The following TRHDE variants were observed in gnomAD, a reference collection of about 807,000 sequenced individuals.
The protein encoded by TRHDE is thyrotropin releasing hormone degrading enzyme.
In TRHDE, 72 loss-of-function variants were observed where a neutral mutation model predicts 125.7. The observed-to-expected ratio is 0.57, with a 90% CI of 0.47 to 0.70. TRHDE has a LOEUF of 0.70. Ranked by LOEUF, TRHDE falls within the 30% of genes least tolerant of loss-of-function variation. TRHDE has a pLI of 0.00. For missense variants in TRHDE, 1,110 were observed against 1,327.1 expected, an observed-to-expected ratio of 0.84 and a Z score of 2.54; for synonymous variants, 509 against 509.1, an observed-to-expected ratio of 1.00 and a Z score of 0.00.
intron 1 of TRHDE, among the ~76,000 whole-genome samples, chr12:72,275,452 C>T (rs1879451300): frequency 6.6e-6 from 1 of 152,168 alleles, no homozygotes; most frequent in Admixed American, 6.5e-5. Flanking sequence ...ACCACTTCCT[C>T]CAACATGTTC....
chr12:72,166,754 G>A (rs563625505), intron 2 of TRHDE, among the ~76,000 whole-genome samples: 33 of 152,208 alleles, frequency 2.2e-4, no homozygotes, highest in East Asian at 5.8e-4. Flanking sequence ...TGGGGCATGA[G>A]CTGGAAGTAG....
rs143297762 is a variant in TRHDE at position 72,400,415 on chromosome 12, T to C, written c.1315+22294T>C. Among the ~76,000 whole-genome samples, 54 of 152,322 alleles carry C rather than the reference T, an allele frequency of 3.5e-4. 1 individual carries two copies. In the East Asian group the frequency reaches 9.1e-3, roughly 26 times the overall value. ...GACTACGCCTACATTTAATTTAATA[T>C]GTAAGTGTAAGCAAAATCAGGTTTT... On this transcript the variant is annotated intron_variant, in intron 3 of 18. Transcript: ENST00000261180.
intron 15 of TRHDE, among the ~76,000 whole-genome samples, chr12:72,651,963 AC>A (rs1186377362): frequency 3.9e-5 from 6 of 151,978 alleles, no homozygotes; most frequent in African/African-American, 1.4e-4. Flanking sequence ...TCTTGGGTCT[AC>A]CAATTATGAG....
chr12:72,552,632 C>CA (rs1373715526), intron 7 of TRHDE, among the ~76,000 whole-genome samples: 3 of 152,072 alleles, frequency 2.0e-5, no homozygotes, highest in African/African-American at 7.2e-5. Context: ...AATGGAGTAA[C>CA]AAGGTGGAGA....
At chr12:72,297,399 T>A (rs1880341118) in intron 2 of TRHDE, among the ~76,000 whole-genome samples, 3 of 152,078 alleles carry the variant, frequency 2.0e-5, no homozygotes, top group African/African-American at 7.2e-5. Flanking sequence ...TTGGTGGAAT[T>A]TTAAGCCTGT....
intron 2 of TRHDE, among the ~76,000 whole-genome samples, chr12:72,331,471 C>A (rs1195344039): frequency 1.5e-5 from 1 of 66,860 alleles, no homozygotes; most frequent in Non-Finnish European, 4.5e-5. Context: ...TACTATGCTA[C>A]CGAATGAACT....
intron 1 of TRHDE, among the ~76,000 whole-genome samples, chr12:72,100,933 T>C (rs530830258): frequency 1.3e-5 from 2 of 152,334 alleles, no homozygotes; most frequent in South Asian, 2.1e-4. Flanking sequence ...GCTAAATTCA[T>C]TAGAAGGCAT....
intron 3 of TRHDE, among the ~76,000 whole-genome samples, chr12:72,459,255 A>C (rs372781366): frequency 2.6e-5 from 4 of 152,274 alleles, no homozygotes; most frequent in East Asian, 1.9e-4. Context: ...ATAATCCAGG[A>C]TATTCTTCCC....
intron 3 of TRHDE, among the ~76,000 whole-genome samples, chr12:72,390,134 A>G (rs535450466): frequency 6.6e-6 from 1 of 152,354 alleles, no homozygotes; most frequent in Non-Finnish European, 1.5e-5. Context: ...TTGTGTAGCT[A>G]TAGTACAAAG....
At chr12:72,170,878 G>A (rs1469109900) in intron 2 of TRHDE, among the ~76,000 whole-genome samples, 2 of 152,282 alleles carry the variant, frequency 1.3e-5, no homozygotes, top group Non-Finnish European at 2.9e-5. Flanking sequence ...CTCAGAGAAT[G>A]TAGGAAAGCA....
At chr12:72,217,103 A>C (rs1234759188) in intron 2 of TRHDE, among the ~76,000 whole-genome samples, 2 of 152,088 alleles carry the variant, frequency 1.3e-5, no homozygotes, top group African/African-American at 4.8e-5. Flanking sequence ...AGAAGAGAAA[A>C]TAGGAAGTGG....
chr12:72,090,692 C>A (rs936539886), intron 1 of TRHDE, among the ~76,000 whole-genome samples: 1 of 152,046 alleles, frequency 6.6e-6, no homozygotes, highest in Non-Finnish European at 1.5e-5. Flanking sequence ...GTTAAATTAA[C>A]CTTTTATATT....
intron 3 of TRHDE, among the ~76,000 whole-genome samples, chr12:72,433,136 C>T (rs1874572351): frequency 6.6e-6 from 1 of 152,018 alleles, no homozygotes; most frequent in African/African-American, 2.4e-5. Context: ...TCTTTCCTTA[C>T]TGGGATAAGT....
intron 3 of TRHDE, among the ~76,000 whole-genome samples, chr12:72,461,205 A>G (rs1876111879): frequency 6.6e-6 from 1 of 152,208 alleles, no homozygotes; most frequent in Non-Finnish European, 1.5e-5. Context: ...GCTTTAAATG[A>G]ATGATGCCCA....
At chr12:72,166,115 C>T (rs1427028714) in intron 2 of TRHDE, among the ~76,000 whole-genome samples, 1 of 152,130 alleles carries the variant, frequency 6.6e-6, no homozygotes, top group Non-Finnish European at 1.5e-5. Flanking sequence ...CAAACCCGTA[C>T]AGTGCAATAC....
At position 72,435,799 on chromosome 12, in the gene TRHDE, A is replaced by G. The variant is rs140366946; in HGVS notation, c.1316-33959A>G. Among the ~76,000 whole-genome samples, 287 of 152,182 alleles carry G rather than the reference A, an allele frequency of 1.9e-3. 1 individual carries two copies. Among genetic ancestry groups the G allele is most frequent in the African/African-American group, 6.2e-3 (258 of 41,550 alleles). On this transcript the variant is annotated intron_variant, in intron 3 of 18. Transcript: ENST00000261180. Reference sequence around the variant, plus strand: ...CAAAAGAAACATATAATTTTGAACTAATGACCTGATAGGTAAAGGAATAAA... The same window carrying G: ...CAAAAGAAACATATAATTTTGAACTGATGACCTGATAGGTAAAGGAATAAA...
chr12:72,572,443 A>G (rs1870789829), intron 10 of TRHDE, among the ~76,000 whole-genome samples: 1 of 152,092 alleles, frequency 6.6e-6, no homozygotes, highest in South Asian at 2.1e-4. Flanking sequence ...TATGGTACTC[A>G]TCAAATACCA....
intron 2 of TRHDE, among the ~76,000 whole-genome samples, chr12:72,299,811 T>G (rs1329566797): frequency 1.3e-5 from 2 of 152,092 alleles, no homozygotes; most frequent in Non-Finnish European, 2.9e-5. Context: ...CATACTATCA[T>G]GCACTACATG....
chr12:72,506,023 G>A (rs1445819827), intron 6 of TRHDE, among the ~76,000 whole-genome samples: 1 of 152,174 alleles, frequency 6.6e-6, no homozygotes, highest in Non-Finnish European at 1.5e-5. Context: ...ACCCAGCCGG[G>A]CATGATGGCT....
Sources: gnomAD v4.1 joint callset for allele counts (sites outside exome capture counted in the v4.1 genomes callset) on GRCh38, gnomAD v4.1.1 for gene constraint, MANE v1.5 for transcripts, NCBI Gene and HGNC (gene_info 2026-07-23, HGNC 2026-07-21) for gene names.